Variants in FNDC3B observed in about 807,000 individuals in gnomAD.
FNDC3B encodes fibronectin type III domain-containing protein 3B.
Under a neutral mutation model 151.5 loss-of-function variants are expected in FNDC3B, and 12 were observed. The ratio of observed to expected loss-of-function variants is 0.08; its 90% CI spans 0.05 to 0.13. The LOEUF is 0.13. Ranked by LOEUF, FNDC3B falls within the 10% of genes least tolerant of loss-of-function variation. FNDC3B has a pLI of 1.00. For synonymous variants in FNDC3B, 528 were observed against 549.0 expected (o/e 0.96, Z 0.54); for missense variants, 1,214 against 1,505.3 (o/e 0.81, Z 3.20).
At chr3:172,247,231 A>G in intron 4 of FNDC3B, among the ~76,000 whole-genome samples, 1 of 152,264 alleles carries the variant, frequency 6.6e-6, no homozygotes. Flanking sequence ...GTCTTGGATG[A>G]AGCCAGTGAA....
intron 5 of FNDC3B, among the ~76,000 whole-genome samples, chr3:172,250,238 A>G (rs1472645311): frequency 6.6e-6 from 1 of 152,206 alleles, no homozygotes; most frequent in East Asian, 1.9e-4. Flanking sequence ...TAGTAAAGTC[A>G]GGTGACATTC....
At chr3:172,238,290 G>A (rs1218484197) in intron 4 of FNDC3B, among the ~76,000 whole-genome samples, 1 of 152,060 alleles carries the variant, frequency 6.6e-6, no homozygotes, top group Non-Finnish European at 1.5e-5. Flanking sequence ...CAGGTAGCTG[G>A]GATGACAGGA....
chr3:172,251,132 C>G lies in FNDC3B; in HGVS notation c.509-128C>G, dbSNP rs150218958. On this transcript the variant is annotated intron_variant, in intron 5 of 25. Coordinates refer to ENST00000415807, the MANE Select transcript of FNDC3B (RefSeq NM_022763.4). ...TTTCTTAAAAAATATTTATTAGACTCTATTTAGTAATACTTTAGACTTCCT... is the reference window on the plus strand; with the variant it reads ...TTTCTTAAAAAATATTTATTAGACTGTATTTAGTAATACTTTAGACTTCCT... 35 of 762,328 alleles carry G rather than the reference C, an allele frequency of 4.6e-5. 1 individual carries two copies. Among genetic ancestry groups the G allele is most frequent in the African/African-American group, 3.0e-4 (17 of 56,206 alleles). The allele number at this position is 762,328 out of a possible 1,614,324, so 47.2% of individuals were successfully genotyped here. A position where few individuals can be genotyped will look rare whatever the true frequency, so the allele number is the denominator to read the frequency against.
At position 172,400,770 on chromosome 3, in the gene FNDC3B, T is replaced by TC. The variant is rs1736533541; in HGVS notation, c.*3295_*3296insC. ...TGTTGTTGTTTCTTTCTTTTTTTTT[T>TC]TTTTTGAGACGGAGTCTTGCTCTGT... On this transcript the variant is annotated 3_prime_UTR_variant, in exon 26 of 26. Coordinates refer to ENST00000415807, the MANE Select transcript of FNDC3B (RefSeq NM_022763.4). The TC allele has an allele frequency of 6.6e-6, 1 of 151,206 alleles. No homozygotes were observed. Among genetic ancestry groups the TC allele is most frequent in the African/African-American group, 2.4e-5 (1 of 41,218 alleles). 9.4% of individuals were successfully genotyped at this position (151,206 alleles called of 1,614,324 possible). A position where few individuals can be genotyped will look rare whatever the true frequency, so the allele number is the denominator to read the frequency against.
intron 7 of FNDC3B, among the ~76,000 whole-genome samples, chr3:172,294,194 G>A (rs1264133234): frequency 1.3e-5 from 2 of 152,228 alleles, no homozygotes; most frequent in African/African-American, 4.8e-5. Context: ...ATGTGGGGAT[G>A]TGATCCAGGA....
At chr3:172,050,470 G>A (rs934410034) in intron 1 of FNDC3B, among the ~76,000 whole-genome samples, 2 of 151,568 alleles carry the variant, frequency 1.3e-5, no homozygotes, top group Admixed American at 6.6e-5. Flanking sequence ...TGCAACCTCC[G>A]TCTCCTGGGT....
At chr3:172,380,713 C>T (rs1272175926) in intron 24 of FNDC3B, among the ~76,000 whole-genome samples, 4 of 152,164 alleles carry the variant, frequency 2.6e-5, no homozygotes, top group Non-Finnish European at 4.4e-5. Flanking sequence ...AAGATGTGAT[C>T]CACATCAAGC....
Position 172,333,091 on chromosome 3 carries a change from T to C in FNDC3B, c.1557T>C (p.Asp519=). The C allele has an allele frequency of 2.5e-6, 4 of 1,608,498 alleles. No homozygotes were observed. The highest frequency in any genetic ancestry group is 3.4e-6 in the Non-Finnish European group (4 of 1,174,870). The change falls in exon 14 of 26, where the codon GAT becomes GAC. Residue 519 remains aspartate (D), a splice_region_variant and synonymous_variant. Transcript: ENST00000415807. ...YTLEIQEDEN[D]NLFHPKYTGE... Reference sequence around the variant, plus strand: ...TCTTCCTGGCTTTGCCTTTTCAGGATAACCTTTTCCACCCAAAATACACTG... The same window carrying C: ...TCTTCCTGGCTTTGCCTTTTCAGGACAACCTTTTCCACCCAAAATACACTG...
intron 6 of FNDC3B, among the ~76,000 whole-genome samples, chr3:172,280,655 A>G (rs1053581858): frequency 2.0e-5 from 3 of 152,248 alleles, no homozygotes; most frequent in Non-Finnish European, 4.4e-5. Flanking sequence ...AATACATTCT[A>G]TAGCTAGTAG....
chr3:172,352,688 C>T lies in FNDC3B; in HGVS notation c.2515-115C>T, dbSNP rs539301599. On this transcript the variant is annotated intron_variant, in intron 21 of 25. Transcript: ENST00000415807. This position sits in a 1 kb window ranked among gnomAD's most constrained non-coding sequence, Gnocchi z 4.2. The stretch of plus-strand genomic sequence containing the variant: ...AGACATTTTCTAGGATTTATTTCTA[C>T]CTGCATATGTGGAAATGTGTACTAC... The T allele has an allele frequency of 2.0e-6, 2 of 1,024,080 alleles. No homozygotes were observed. Among genetic ancestry groups the T allele is most frequent in the Non-Finnish European group, 1.4e-6 (1 of 710,780 alleles). The allele number at this position is 1,024,080 out of a possible 1,614,324, so 63.4% of individuals were successfully genotyped here.
At chr3:172,174,367 C>T (rs1723441626) in intron 3 of FNDC3B, among the ~76,000 whole-genome samples, 1 of 152,142 alleles carries the variant, frequency 6.6e-6, no homozygotes, top group African/African-American at 2.4e-5. Flanking sequence ...GAATTGAAGC[C>T]TGTTTACAAG....
chr3:172,145,081 G>C (rs901462168), intron 3 of FNDC3B, among the ~76,000 whole-genome samples: 1 of 151,576 alleles, frequency 6.6e-6, no homozygotes, highest in South Asian at 2.1e-4. Flanking sequence ...AATTAAGGTC[G>C]AAGCATTCCA....
intron 4 of FNDC3B, among the ~76,000 whole-genome samples, chr3:172,230,435 C>T (rs1239114447): frequency 2.7e-5 from 4 of 150,812 alleles, no homozygotes; most frequent in East Asian, 3.9e-4. Flanking sequence ...ACCCAGGAGG[C>T]GGAGGTTGCA....
chr3:172,302,956 T>G (rs935299519), intron 9 of FNDC3B: 2 of 151,610 alleles, frequency 1.3e-5, no homozygotes, highest in African/African-American at 4.9e-5. Context: ...GACAAGAGAT[T>G]GTGTGGAGAA....
At chr3:172,127,010 C>A (rs1048590931) in intron 2 of FNDC3B, 1 of 456,510 alleles carries the variant, frequency 2.2e-6, no homozygotes, top group African/African-American at 2.0e-5. Context: ...GGGAGGTGAG[C>A]CCTTAAGGAG....
At chr3:172,147,776 C>A (rs937352554) in intron 3 of FNDC3B, among the ~76,000 whole-genome samples, 8 of 151,328 alleles carry the variant, frequency 5.3e-5, no homozygotes, top group African/African-American at 1.9e-4. Flanking sequence ...AGGTGGAGAT[C>A]GTCGGGGTTG....
At chr3:172,122,760 T>C (rs541021818) in intron 2 of FNDC3B, among the ~76,000 whole-genome samples, 1 of 152,230 alleles carries the variant, frequency 6.6e-6, no homozygotes, top group Non-Finnish European at 1.5e-5. Context: ...AGCATTTGAA[T>C]AAAATGGACA....
At chr3:172,168,199 G>A (rs950383894) in intron 3 of FNDC3B, among the ~76,000 whole-genome samples, 4 of 152,164 alleles carry the variant, frequency 2.6e-5, no homozygotes, top group African/African-American at 4.8e-5. Context: ...CTAGAAAAAA[G>A]TAAAACTGAT....
rs943385107 is a variant in FNDC3B, at chr3:172,385,517, A to T, written c.3303+4424A>T. On this transcript the variant is annotated intron_variant, in intron 25 of 25. Transcript: ENST00000415807. The stretch of plus-strand genomic sequence containing the variant: ...GTAAACTTCAGCATAGAAAGAAAAA[A>T]ATCACCCCTAATAGGATAATATCCT... 4.6e-5 allele frequency among the ~76,000 whole-genome samples: 7 copies of T among 152,102 alleles called. No individual in the cohort carries two copies. The East Asian group carries it at 1.3e-3, about 29-fold the overall frequency.
Sources: allele counts gnomAD v4.1 joint callset (sites outside exome capture counted in the v4.1 genomes callset), GRCh38; gene constraint gnomAD v4.1.1; non-coding constraint Gnocchi (gnomAD v3.1); transcripts MANE v1.5; gene names NCBI Gene and HGNC (gene_info 2026-07-23, HGNC 2026-07-21).